TASP1: variants seen among roughly 807,000 people sequenced by gnomAD.
The protein encoded by TASP1 is taspase 1, also known as threonine aspartase 1.
A neutral mutation model predicts 56.6 loss-of-function variants in TASP1; 16 were observed. That is an observed-to-expected ratio of 0.28 (90% CI 0.19 to 0.43). The LOEUF (loss-of-function observed/expected upper bound fraction) is 0.43, where lower values mean the gene tolerates loss of function less well. TASP1 is among the 20% of genes least tolerant of loss of function. The pLI, the probability that TASP1 is intolerant of heterozygous loss-of-function variation, is 1.00. For synonymous variants in TASP1, 179 were observed against 184.2 expected, an observed-to-expected ratio of 0.97 and a Z score of 0.23; for missense variants, 393 against 511.6, an observed-to-expected ratio of 0.77 and a Z score of 2.24.
chr20:13,383,763 T>C, the TASP1 span, among the ~76,000 whole-genome samples: 1 of 152,176 alleles, frequency 6.6e-6, no homozygotes, highest in Non-Finnish European at 1.5e-5. Context: ...AGCACACTAG[T>C]GACTAGCAGC....
chr20:13,392,642 G>C (rs2041334108), intron 13 of TASP1: 3 of 416,314 alleles, frequency 7.2e-6, no homozygotes, highest in Admixed American at 6.5e-5. Context: ...TCAAGAGACA[G>C]CCGCATCTTC....
intron 11 of TASP1, among the ~76,000 whole-genome samples, chr20:13,471,652 C>T: frequency 6.6e-6 from 1 of 152,180 alleles, no homozygotes; most frequent in East Asian, 1.9e-4. Flanking sequence ...TCTCCTTCCT[C>T]CAATCCATCC....
At chr20:13,509,122 A>G (rs1037527710) in intron 10 of TASP1, among the ~76,000 whole-genome samples, 1 of 95,190 alleles carries the variant, frequency 1.1e-5, no homozygotes, top group Non-Finnish European at 2.3e-5. Context: ...ATGAATGAAG[A>G]AAGTGTGTGT....
chr20:13,108,848 G>T, the TASP1 span, among the ~76,000 whole-genome samples: 2 of 152,162 alleles, frequency 1.3e-5, no homozygotes, highest in Non-Finnish European at 2.9e-5. Flanking sequence ...ATTTTAAATG[G>T]TGTTTCTAAT....
intron 6 of TASP1, 68 bp from the exon 7 acceptor site, chr20:13,569,654 G>T: frequency 7.5e-7 from 1 of 1,342,030 alleles, no homozygotes; most frequent in East Asian, 2.3e-5. Context: ...ATAAATATAG[G>T]TAATATGGTA....
intron 7 of TASP1, among the ~76,000 whole-genome samples, chr20:13,568,995 C>T (rs1056396773): frequency 1.3e-5 from 2 of 151,978 alleles, no homozygotes; most frequent in Non-Finnish European, 1.5e-5. Flanking sequence ...TGGGCAATTA[C>T]TTGTATTTGT....
At chr20:13,149,795 G>T in the TASP1 span, among the ~76,000 whole-genome samples, 1 of 152,336 alleles carries the variant, frequency 6.6e-6, no homozygotes, top group East Asian at 1.9e-4. Context: ...AGTTTCTTGG[G>T]TTAATCAAGG....
At chr20:13,391,749 C>A (rs935652279) in intron 13 of TASP1, among the ~76,000 whole-genome samples, 1 of 152,020 alleles carries the variant, frequency 6.6e-6, no homozygotes, top group East Asian at 2.0e-4. Flanking sequence ...GGGCAGATCA[C>A]GAGGTCAGGA....
intron 13 of TASP1, among the ~76,000 whole-genome samples, chr20:13,416,046 T>A (rs746819282): frequency 2.6e-5 from 4 of 152,178 alleles, no homozygotes; most frequent in Non-Finnish European, 4.4e-5. Flanking sequence ...ACCTGTGCTG[T>A]TCAATATGGT....
intron 7 of TASP1, among the ~76,000 whole-genome samples, chr20:13,563,161 TTGTG>T (rs1422901830): frequency 1.4e-4 from 21 of 150,824 alleles, no homozygotes; most frequent in African/African-American, 4.9e-4. Context: ...CTATGAAAAA[TTGTG>T]TACCCAAATA....
At chr20:13,137,797 A>G in the TASP1 span, among the ~76,000 whole-genome samples, 1 of 152,242 alleles carries the variant, frequency 6.6e-6, no homozygotes, top group Non-Finnish European at 1.5e-5. Context: ...GTGATTTCCC[A>G]GAGACTTGCA....
the TASP1 span, chr20:13,153,908 T>C: frequency 2.0e-6 from 3 of 1,513,210 alleles, no homozygotes; most frequent in Non-Finnish European, 1.8e-6. Flanking sequence ...GCTGCTGGCC[T>C]GCAGAAAGAC....
At chr20:13,626,324 G>C (rs2086750869) in intron 2 of TASP1, among the ~76,000 whole-genome samples, 1 of 152,110 alleles carries the variant, frequency 6.6e-6, no homozygotes, top group South Asian at 2.1e-4. Flanking sequence ...CTACTCAGGG[G>C]GCTGGGGCAC....
At chr20:13,194,883 C>T in the TASP1 span, among the ~76,000 whole-genome samples, 1 of 152,114 alleles carries the variant, frequency 6.6e-6, no homozygotes, top group African/African-American at 2.4e-5. Context: ...CCAACTAAGG[C>T]TCATCCCTGT....
At chr20:13,416,113 C>T (rs1246733237) in intron 13 of TASP1, among the ~76,000 whole-genome samples, 2 of 152,266 alleles carry the variant, frequency 1.3e-5, no homozygotes, top group Non-Finnish European at 2.9e-5. Flanking sequence ...TAAAATTCAG[C>T]TCCTCCATCA....
Position 13,390,160 on chromosome 20 carries a change from T to A in TASP1, c.*200A>T, listed in dbSNP as rs2041218929. ...TATGTGCGCACATACGCGCACACACTCACACACAGTCCCGCTCACCCACCA... is the reference window on the plus strand; with the variant it reads ...TATGTGCGCACATACGCGCACACACACACACACAGTCCCGCTCACCCACCA... On this transcript the variant is annotated 3_prime_UTR_variant, in exon 14 of 14. Transcript: ENST00000337743. 1 of 547,784 alleles carries A rather than the reference T, an allele frequency of 1.8e-6. No individual in the cohort carries two copies. Among genetic ancestry groups the A allele is most frequent in the East Asian group, 3.1e-5 (1 of 31,778 alleles). 33.9% of individuals were successfully genotyped at this position (547,784 alleles called of 1,614,324 possible).
At chr20:13,478,754 T>C (rs1454408533) in intron 11 of TASP1, among the ~76,000 whole-genome samples, 5 of 152,152 alleles carry the variant, frequency 3.3e-5, no homozygotes, top group Non-Finnish European at 7.4e-5. Flanking sequence ...ATTGTAAATG[T>C]ATGTTCCAAA....
At chr20:13,324,563 T>G in the TASP1 span, among the ~76,000 whole-genome samples, 2 of 152,346 alleles carry the variant, frequency 1.3e-5, no homozygotes, top group African/African-American at 4.8e-5. Flanking sequence ...TAAGTTTCAG[T>G]TGGCTTTAAT....
intron 5 of TASP1, among the ~76,000 whole-genome samples, chr20:13,581,520 A>T (rs933730742): frequency 6.6e-6 from 1 of 152,180 alleles, no homozygotes; most frequent in Non-Finnish European, 1.5e-5. Context: ...TGTCCTTCAA[A>T]TTGGGTAAGG....
Sources: allele counts gnomAD v4.1 joint callset (sites outside exome capture counted in the v4.1 genomes callset), GRCh38; gene constraint gnomAD v4.1.1; transcripts MANE v1.5; gene names NCBI Gene and HGNC (gene_info 2026-07-23, HGNC 2026-07-21).